The following TMEM232 variants were observed in gnomAD, a reference collection of about 807,000 sequenced individuals.
The protein encoded by TMEM232 is transmembrane protein 232.
A neutral mutation model predicts 78.8 loss-of-function variants in TMEM232; 80 were observed. The ratio of observed to expected loss-of-function variants is 1.01; its 90% CI spans 0.85 to 1.22. The LOEUF (loss-of-function observed/expected upper bound fraction) is 1.22, where lower values mean the gene tolerates loss of function less well. Ranked by LOEUF, TMEM232 falls within the 50% of genes most tolerant of loss-of-function variation. The probability of loss-of-function intolerance (pLI) is 0.00; values close to 1 mark genes in which losing one functional copy is unlikely to be tolerated. For synonymous variants in TMEM232, 297 were observed against 254.3 expected, an observed-to-expected ratio of 1.17 and a Z score of -1.60; for missense variants, 881 against 742.2, an observed-to-expected ratio of 1.19 and a Z score of -2.17.
At chr5:110,550,872 T>C in intron 11 of TMEM232, among the ~76,000 whole-genome samples, 1 of 148,572 alleles carries the variant, frequency 6.7e-6, no homozygotes, top group East Asian at 1.9e-4. Context: ...ATGGAAATGT[T>C]ACAGTAAAAA....
intron 1 of TMEM232, among the ~76,000 whole-genome samples, chr5:110,699,376 A>C (rs927214944): frequency 6.6e-6 from 1 of 152,120 alleles, no homozygotes; most frequent in African/African-American, 2.4e-5. Context: ...CTAAGACACC[A>C]GCTGGATTTA....
At chr5:110,584,496 G>A (rs1223264316) in intron 10 of TMEM232, among the ~76,000 whole-genome samples, 1 of 152,018 alleles carries the variant, frequency 6.6e-6, no homozygotes, top group Non-Finnish European at 1.5e-5. Flanking sequence ...AGAGGTTGGT[G>A]GAGGCAATAA....
chr5:110,513,536 A>G (rs1768111825), intron 12 of TMEM232, among the ~76,000 whole-genome samples: 1 of 152,176 alleles, frequency 6.6e-6, no homozygotes, highest in Non-Finnish European at 1.5e-5. Context: ...GGAACTGAAT[A>G]GACATTTTTC....
chr5:110,452,883 T>C (rs1760474338), intron 12 of TMEM232, among the ~76,000 whole-genome samples: 1 of 152,206 alleles, frequency 6.6e-6, no homozygotes, highest in South Asian at 2.1e-4. Context: ...GTTTAGTTCC[T>C]ATTACAATGT....
chr5:110,444,276 G>A (rs866736506), intron 12 of TMEM232, among the ~76,000 whole-genome samples: 3 of 152,004 alleles, frequency 2.0e-5, no homozygotes, highest in Admixed American at 1.3e-4. Context: ...TTTCCCTTTG[G>A]CTAGGGCTGA....
chr5:110,570,375 T>C (rs919517767), intron 10 of TMEM232, among the ~76,000 whole-genome samples: 1 of 152,004 alleles, frequency 6.6e-6, no homozygotes, highest in African/African-American at 2.4e-5. Context: ...GTGAATAGTC[T>C]TGACTAAAGT....
At chr5:110,532,100 C>T (rs1014990922) in intron 11 of TMEM232, among the ~76,000 whole-genome samples, 6 of 152,120 alleles carry the variant, frequency 3.9e-5, no homozygotes, top group East Asian at 3.9e-4. Flanking sequence ...CCTCCTCCCC[C>T]AGGAGCTTGC....
At chr5:110,434,260 C>T (rs531697611) in intron 12 of TMEM232, among the ~76,000 whole-genome samples, 5 of 150,268 alleles carry the variant, frequency 3.3e-5, no homozygotes, top group Admixed American at 1.3e-4. Context: ...TTCAAATAAG[C>T]AAAATCAGAA....
intron 2 of TMEM232, among the ~76,000 whole-genome samples, chr5:110,399,223 C>T (rs2112566668): frequency 6.6e-6 from 1 of 152,108 alleles, no homozygotes; most frequent in East Asian, 1.9e-4. Context: ...TGAGCATAGC[C>T]ATTAATCCTG....
intron 11 of TMEM232, among the ~76,000 whole-genome samples, chr5:110,560,315 C>A (rs1775594530): frequency 6.6e-6 from 1 of 152,032 alleles, no homozygotes; most frequent in South Asian, 2.1e-4. Context: ...TGAATATCAG[C>A]CATTTCATAT....
intron 3 of TMEM232, among the ~76,000 whole-genome samples, chr5:110,392,805 A>G (rs1451158543): frequency 1.3e-5 from 2 of 152,172 alleles, no homozygotes; most frequent in African/African-American, 4.8e-5. Context: ...CAACAATTTA[A>G]ACCTTTCAAT....
intron 2 of TMEM232, among the ~76,000 whole-genome samples, chr5:110,414,254 A>G (rs1169027990): frequency 6.6e-6 from 1 of 152,150 alleles, no homozygotes; most frequent in African/African-American, 2.4e-5. Context: ...TTACACACAC[A>G]CATACAAGTG....
chr5:110,431,116 G>C (rs1215248166), intron 12 of TMEM232, among the ~76,000 whole-genome samples: 1 of 151,516 alleles, frequency 6.6e-6, no homozygotes, highest in African/African-American at 2.4e-5. Flanking sequence ...GGACTTGAAG[G>C]ATCAAGCTCA....
chr5:110,396,251 C>A (rs1407361370), intron 3 of TMEM232, among the ~76,000 whole-genome samples: 1 of 152,116 alleles, frequency 6.6e-6, no homozygotes, highest in Non-Finnish European at 1.5e-5. Context: ...ATGGGGCAAA[C>A]CACCCTAATC....
intron 8 of TMEM232, among the ~76,000 whole-genome samples, chr5:110,613,675 A>C (rs539737734): frequency 6.6e-6 from 1 of 152,204 alleles, no homozygotes; most frequent in South Asian, 2.1e-4. Flanking sequence ...TTTCATTCTG[A>C]ATACATGCAG....
In TMEM232 at chr5:110,528,646, T is replaced by G. The variant is rs967807994; in HGVS notation, c.1645A>C (p.Lys549Gln). ...GACTCCAGCTTTTTATTTGGATATT[T>G]TGTTTGATCCTTTTTTATTGATGGT... ...KKPSIKKDQT[K>Q]YPNKKLESVK... Residue 549 changes from lysine (K) to glutamine (Q), a missense_variant, in exon 12 of 14, where the codon AAA becomes CAA. Physicochemically the swap from Lys to Gln is moderately conservative, Grantham distance 53. Transcript: ENST00000455884. The G allele has an allele frequency of 2.6e-6, 4 of 1,534,170 alleles. No individual in the cohort carries two copies. The African/African-American group carries it at 5.5e-5, about 21-fold the overall frequency.
chr5:110,414,614 C>T (rs311710), downstream of TMEM232, among the ~76,000 whole-genome samples: 42,618 of 152,060 alleles, frequency 0.28, 9,995 homozygotes, highest in African/African-American at 0.63. Context: ...CAGGCCAAGA[C>T]GAAGCTCAGT....
intron 2 of TMEM232, among the ~76,000 whole-genome samples, chr5:110,404,815 G>T (rs990656583): frequency 6.6e-6 from 1 of 152,074 alleles, no homozygotes; most frequent in African/African-American, 2.4e-5. Context: ...CTAGGGAACA[G>T]CTCCTGGTCT....
At chr5:110,643,580 A>G (rs916758188) in intron 2 of TMEM232, among the ~76,000 whole-genome samples, 1 of 152,118 alleles carries the variant, frequency 6.6e-6, no homozygotes, top group African/African-American at 2.4e-5. Context: ...AGTGAACAGT[A>G]GAATCAATGA....
Sources: gnomAD v4.1 joint callset for allele counts (sites outside exome capture counted in the v4.1 genomes callset) on GRCh38, gnomAD v4.1.1 for gene constraint, MANE v1.5 for transcripts, NCBI Gene and HGNC (gene_info 2026-07-23, HGNC 2026-07-21) for gene names.